Variants in PEBP4 observed in about 807,000 individuals in gnomAD.
PEBP4 encodes phosphatidylethanolamine binding protein 4.
In PEBP4, 22 loss-of-function variants were observed where a neutral mutation model predicts 23.9. The observed-to-expected ratio is 0.92, with a 90% confidence interval of 0.66 to 1.31. The LOEUF (loss-of-function observed/expected upper bound fraction) is 1.31. Among genes scored for constraint, PEBP4 ranks in the 40% most tolerant of loss-of-function variants. PEBP4 has a pLI of 0.00. For synonymous variants in PEBP4, 112 were observed against 99.3 expected, an observed-to-expected ratio of 1.13 and a Z score of -0.76; for missense variants, 324 against 281.7, an observed-to-expected ratio of 1.15 and a Z score of -1.07.
intron 4 of PEBP4, among the ~76,000 whole-genome samples, chr8:22,798,116 G>T (rs114950283): frequency 1.9e-3 from 284 of 152,270 alleles, no homozygotes; most frequent in Middle Eastern, 6.8e-3. Context: ...CCGAATGAGG[G>T]GGATTTTGAG....
intron 4 of PEBP4, among the ~76,000 whole-genome samples, chr8:22,733,167 A>G (rs1034670114): frequency 6.6e-6 from 1 of 152,228 alleles, no homozygotes; most frequent in Admixed American, 6.5e-5. Context: ...CCCATTGGAC[A>G]GGAGAGAAAC....
chr8:22,830,113 T>TTGTGTGTGTGTGTGTGTGTGTG lies in PEBP4; in HGVS notation c.259-12400_259-12379dup, dbSNP rs3060706. ...CACTGCTGGGTCCTAGGCTGTGGTT[T>TTGTGTGTGTGTGTGTGTGTGTG]TGTGTGTGTGTGTGTGTGTGTGTGT... On this transcript the variant is annotated intron_variant, in intron 3 of 6. Coordinates refer to ENST00000256404, the MANE Select transcript of PEBP4 (RefSeq NM_144962.3). Among the ~76,000 whole-genome samples the TTGTGTGTGTGTGTGTGTGTGTG allele has an allele frequency of 1.4e-3, 206 of 144,242 alleles. 1 individual carries two copies. The highest frequency in any genetic ancestry group is 4.7e-3 in the African/African-American group (181 of 38,168). The allele number at this position is 144,242 out of a possible 152,430, so 94.6% of individuals were successfully genotyped here. A position where few individuals can be genotyped will look rare whatever the true frequency, so the allele number is the denominator to read the frequency against.
chr8:22,723,131 C>T (rs1186285154), intron 6 of PEBP4, among the ~76,000 whole-genome samples: 1 of 152,054 alleles, frequency 6.6e-6, no homozygotes, highest in Non-Finnish European at 1.5e-5. Context: ...TTTCTAAGTT[C>T]CCCATGGACA....
At chr8:22,739,911 G>T (rs1014020516) in intron 4 of PEBP4, among the ~76,000 whole-genome samples, 3 of 152,204 alleles carry the variant, frequency 2.0e-5, no homozygotes, top group Non-Finnish European at 4.4e-5. Flanking sequence ...GGGATGGAGG[G>T]GGAGGGGGTG....
intron 4 of PEBP4, among the ~76,000 whole-genome samples, chr8:22,781,092 G>A (rs1004307877): frequency 3.3e-5 from 5 of 152,258 alleles, no homozygotes; most frequent in African/African-American, 1.2e-4. Context: ...ATTGTGGGAT[G>A]GCAAATGACC....
intron 3 of PEBP4, among the ~76,000 whole-genome samples, chr8:22,908,939 G>A (rs1206847097): frequency 6.6e-6 from 1 of 152,168 alleles, no homozygotes; most frequent in Non-Finnish European, 1.5e-5. Context: ...GTTGCATCCT[G>A]GAGATACTTG....
intron 4 of PEBP4, among the ~76,000 whole-genome samples, chr8:22,769,301 C>G (rs537928400): frequency 9.2e-5 from 14 of 152,350 alleles, no homozygotes; most frequent in African/African-American, 3.4e-4. Flanking sequence ...GGCCAGGAGG[C>G]TACCTGAGAC....
intron 3 of PEBP4, among the ~76,000 whole-genome samples, chr8:22,826,205 A>G (rs964612887): frequency 6.6e-6 from 1 of 152,254 alleles, no homozygotes; most frequent in Non-Finnish European, 1.5e-5. Flanking sequence ...CAATAAGATA[A>G]AATAAAAATA....
At chr8:22,871,437 CATA>C (rs1307108581) in intron 3 of PEBP4, among the ~76,000 whole-genome samples, 3 of 151,882 alleles carry the variant, frequency 2.0e-5, no homozygotes, top group African/African-American at 7.3e-5. Flanking sequence ...CATCTATTAT[CATA>C]ATTAGTCCCC....
intron 4 of PEBP4, among the ~76,000 whole-genome samples, chr8:22,787,815 G>GC (rs1311062639): frequency 1.3e-5 from 2 of 152,178 alleles, no homozygotes; most frequent in African/African-American, 4.8e-5. Context: ...GCTCAGTTCT[G>GC]CCCCAAAGAA....
chr8:22,921,632 G>A (rs1809203564), intron 2 of PEBP4, among the ~76,000 whole-genome samples: 1 of 152,248 alleles, frequency 6.6e-6, no homozygotes, highest in Non-Finnish European at 1.5e-5. Flanking sequence ...AGCGCCCCCA[G>A]TGCCAGAAGT....
At chr8:22,747,801 C>T (rs1469735786) in intron 4 of PEBP4, among the ~76,000 whole-genome samples, 1 of 152,202 alleles carries the variant, frequency 6.6e-6, no homozygotes, top group Non-Finnish European at 1.5e-5. Flanking sequence ...CTTCCTTCCT[C>T]TTTGGCCATA....
At chr8:22,833,416 C>T (rs1033991758) in intron 3 of PEBP4, among the ~76,000 whole-genome samples, 9 of 152,194 alleles carry the variant, frequency 5.9e-5, no homozygotes, top group Non-Finnish European at 8.8e-5. Context: ...ACTGCAACCT[C>T]CGCCTCAAGG....
chr8:22,779,592 T>C (rs1160139716), intron 4 of PEBP4, among the ~76,000 whole-genome samples: 1 of 152,160 alleles, frequency 6.6e-6, no homozygotes, highest in Non-Finnish European at 1.5e-5. Context: ...CGACTCTGTG[T>C]CCCACCAACA....
At chr8:22,767,954 C>T (rs772721984) in intron 4 of PEBP4, among the ~76,000 whole-genome samples, 4 of 152,126 alleles carry the variant, frequency 2.6e-5, no homozygotes, top group Non-Finnish European at 4.4e-5. Flanking sequence ...AGGCTGGTCT[C>T]GAACTCTTGA....
At chr8:22,777,351 C>A (rs183790072) in intron 4 of PEBP4, among the ~76,000 whole-genome samples, 3 of 152,212 alleles carry the variant, frequency 2.0e-5, no homozygotes. Flanking sequence ...AGGACAAGAC[C>A]ACAGTGGACA....
chr8:22,738,357 C>T (rs1313812661), intron 4 of PEBP4, among the ~76,000 whole-genome samples: 2 of 152,170 alleles, frequency 1.3e-5, no homozygotes, highest in Non-Finnish European at 1.5e-5. Flanking sequence ...GGCTCTGGAG[C>T]GGGGGTCTGG....
chr8:22,927,523 C>G, intron 2 of PEBP4, 61 bp downstream of exon 2: 1 of 1,553,530 alleles, frequency 6.4e-7, no homozygotes, highest in African/African-American at 1.4e-5. Flanking sequence ...TATACCCCTC[C>G]CTGCCATCTA....
At chr8:22,816,744 C>T (rs1405816323) in intron 4 of PEBP4, among the ~76,000 whole-genome samples, 1 of 152,188 alleles carries the variant, frequency 6.6e-6, no homozygotes, top group Non-Finnish European at 1.5e-5. Context: ...AGAGTTGATG[C>T]CTTTGTATAC....
Sources: allele counts gnomAD v4.1 joint callset (sites outside exome capture counted in the v4.1 genomes callset), GRCh38; gene constraint gnomAD v4.1.1; transcripts MANE v1.5; gene names NCBI Gene and HGNC (gene_info 2026-07-23, HGNC 2026-07-21).